Variants in ADAM32 observed in about 807,000 individuals in gnomAD.
The protein encoded by ADAM32 is disintegrin and metalloproteinase domain-containing protein 32.
ADAM32 carries 89 observed loss-of-function variants against 114.9 expected under a neutral mutation model. The ratio of observed to expected loss-of-function variants is 0.77; its 90% CI spans 0.65 to 0.92. ADAM32 has a LOEUF of 0.92. ADAM32 is among the 40% of genes least tolerant of loss of function. The pLI is 0.00. For synonymous variants in ADAM32, 285 were observed against 307.5 expected (o/e 0.93, Z 0.77); for missense variants, 870 against 932.8 (o/e 0.93, Z 0.88).
At chr8:39,244,688 C>A (rs552081571) in intron 16 of ADAM32, among the ~76,000 whole-genome samples, 1 of 151,944 alleles carries the variant, frequency 6.6e-6, no homozygotes, top group Non-Finnish European at 1.5e-5. Context: ...CATCACACAC[C>A]GGGGCCTGTT....
intron 17 of ADAM32, among the ~76,000 whole-genome samples, chr8:39,249,962 C>G (rs1030829893): frequency 9.9e-5 from 15 of 152,062 alleles, no homozygotes; most frequent in Admixed American, 7.2e-4. Context: ...CTTTGTGCCT[C>G]TATAGATATG....
intron 17 of ADAM32, 71 bp from the exon 18 acceptor site, chr8:39,254,343 G>A: frequency 7.9e-7 from 1 of 1,272,506 alleles, no homozygotes; most frequent in East Asian, 2.6e-5. Context: ...TGGTACAAAA[G>A]TAAGCTTGAT....
chr8:39,271,091 A>G (rs892907770), intron 20 of ADAM32, among the ~76,000 whole-genome samples, 177 bp downstream of exon 20: 3 of 152,218 alleles, frequency 2.0e-5, no homozygotes, highest in Admixed American at 2.0e-4. Context: ...TTCTTCATTT[A>G]ATAAATGTTT....
chr8:39,269,840 C>T (rs1564725825), intron 19 of ADAM32, among the ~76,000 whole-genome samples: 1 of 152,172 alleles, frequency 6.6e-6, no homozygotes, highest in Admixed American at 6.5e-5. Flanking sequence ...CTGCCCAAGA[C>T]TGGGTAATTT....
chr8:39,202,779 A>G (rs1020677344), intron 11 of ADAM32, among the ~76,000 whole-genome samples: 31 of 152,194 alleles, frequency 2.0e-4, no homozygotes, highest in African/African-American at 7.2e-4. Context: ...AGTGCTATAA[A>G]TTTCCCTCTA....
chr8:39,221,404 G>A (rs1186857324), intron 12 of ADAM32: 3 of 507,440 alleles, frequency 5.9e-6, no homozygotes, highest in Non-Finnish European at 1.1e-5. Flanking sequence ...AGGAAGGTAA[G>A]TAGGTTACTA....
chr8:39,146,303 C>T (rs1375151885), intron 3 of ADAM32, among the ~76,000 whole-genome samples: 2 of 152,152 alleles, frequency 1.3e-5, no homozygotes, highest in East Asian at 1.9e-4. Flanking sequence ...TTATGCAATA[C>T]TCTTCCACTT....
intron 3 of ADAM32, among the ~76,000 whole-genome samples, chr8:39,140,080 A>G (rs1375097671): frequency 2.6e-5 from 4 of 152,184 alleles, no homozygotes; most frequent in Non-Finnish European, 5.9e-5. Context: ...TTGGGCTGAG[A>G]TGATGGGGTT....
At chr8:39,120,116 G>A (rs992204983) in intron 2 of ADAM32, among the ~76,000 whole-genome samples, 1 of 152,200 alleles carries the variant, frequency 6.6e-6, no homozygotes, top group Non-Finnish European at 1.5e-5. Context: ...CCAGAACTGT[G>A]AGAAAATACA....
chr8:39,147,101 A>T (rs35335280), intron 3 of ADAM32, 29 bp from the exon 4 acceptor site: 257,332 of 855,856 alleles, frequency 0.3, 39,714 homozygotes, highest in Middle Eastern at 0.34. Flanking sequence ...AAGAATAATT[A>T]AAAAAATTTC....
intron 18 of ADAM32, among the ~76,000 whole-genome samples, chr8:39,256,202 C>T (rs558174189): frequency 6.6e-6 from 1 of 152,014 alleles, no homozygotes; most frequent in South Asian, 2.1e-4. Context: ...ATTAAAATAT[C>T]ATAATTCACG....
intron 10 of ADAM32, among the ~76,000 whole-genome samples, chr8:39,175,171 T>G (rs1805448929): frequency 6.9e-6 from 1 of 144,218 alleles, no homozygotes; most frequent in Non-Finnish European, 1.5e-5. Flanking sequence ...TGAATTCCCT[T>G]TATTTTTTTA....
At chr8:39,215,129 C>A (rs963483017) in intron 12 of ADAM32, among the ~76,000 whole-genome samples, 2 of 151,898 alleles carry the variant, frequency 1.3e-5, no homozygotes, top group African/African-American at 4.8e-5. Flanking sequence ...CAGTTTTGTT[C>A]TTTTTGCTCA....
intron 10 of ADAM32, among the ~76,000 whole-genome samples, chr8:39,179,687 T>C (rs2129446829): frequency 6.6e-6 from 1 of 152,222 alleles, no homozygotes; most frequent in Non-Finnish European, 1.5e-5. Context: ...TAGCTGGGGA[T>C]GTGGGCTTCC....
At chr8:39,268,320 A>C (rs1812494319) in intron 19 of ADAM32, among the ~76,000 whole-genome samples, 1 of 152,018 alleles carries the variant, frequency 6.6e-6, no homozygotes, top group East Asian at 1.9e-4. Context: ...TTATAATTTG[A>C]ATTTCTCTAA....
At chr8:39,246,748 G>T (rs1251356647) in intron 17 of ADAM32, among the ~76,000 whole-genome samples, 29 of 152,170 alleles carry the variant, frequency 1.9e-4, no homozygotes, top group Admixed American at 1.8e-3. Context: ...CACTGTTAGT[G>T]TCTCACATTC....
chr8:39,118,086 G>A lies in ADAM32; in HGVS notation c.59G>A (p.Gly20Asp), dbSNP rs779478441. Residue 20 changes from glycine to aspartate, a missense_variant and splice_region_variant, in exon 2 of 25, where the codon GGT becomes GAT. Coordinates refer to ENST00000379907, the MANE Select transcript of ADAM32 (RefSeq NM_145004.7). ...CTTTTTTTTTTTTTTATCTCTTCAG[G>A]TTTTCAAAATTCACTTCTACAGATC... is the stretch of plus-strand genomic sequence containing the variant. ...GLCGLLASRPGFQNSLLQIVI... is the reference protein window; with the variant it reads ...GLCGLLASRPDFQNSLLQIVI... 1.9e-5 allele frequency: 28 copies of A among 1,455,130 alleles called. No homozygotes were observed. The Middle Eastern group carries it at 1.0e-3, about 54-fold the overall frequency. The allele number at this position is 1,455,130 out of a possible 1,614,324, so 90.1% of individuals were successfully genotyped here. A position where few individuals can be genotyped will look rare whatever the true frequency, so the allele number is the denominator to read the frequency against.
intron 16 of ADAM32, among the ~76,000 whole-genome samples, chr8:39,243,561 A>C (rs1459575329): frequency 6.6e-6 from 1 of 152,204 alleles, no homozygotes; most frequent in Non-Finnish European, 1.5e-5. Context: ...CAGAAAAAGC[A>C]TTTGACAAAA....
intron 22 of ADAM32, among the ~76,000 whole-genome samples, chr8:39,278,259 G>T (rs1177988635): frequency 2.0e-5 from 3 of 152,086 alleles, no homozygotes; most frequent in East Asian, 3.9e-4. Context: ...ACTGAGTCTG[G>T]GGTCTTTATA....
Sources: allele counts gnomAD v4.1 joint callset (sites outside exome capture counted in the v4.1 genomes callset), GRCh38; gene constraint gnomAD v4.1.1; transcripts MANE v1.5; gene names NCBI Gene and HGNC (gene_info 2026-07-23, HGNC 2026-07-21).